The following MMP16 variants were observed in gnomAD, a reference collection of about 807,000 sequenced individuals.
MMP16 encodes matrix metalloproteinase-16.
MMP16 carries 12 observed loss-of-function variants against 67.8 expected under a neutral mutation model. That is an observed-to-expected ratio of 0.18 (90% CI 0.11 to 0.29). The LOEUF (loss-of-function observed/expected upper bound fraction) is 0.29. MMP16 is among the 10% of genes least tolerant of loss of function. The pLI, the probability that MMP16 is intolerant of heterozygous loss-of-function variation, is 1.00. For missense variants in MMP16, 475 were observed against 765.7 expected (o/e 0.62, Z 4.48); for synonymous variants, 249 against 255.9 (o/e 0.97, Z 0.26).
intron 8 of MMP16, among the ~76,000 whole-genome samples, chr8:88,052,012 T>C (rs1586124082): frequency 6.6e-6 from 1 of 152,226 alleles, no homozygotes; most frequent in African/African-American, 2.4e-5. Context: ...TACAGATTTA[T>C]TTAAAGAACC....
intron 4 of MMP16, among the ~76,000 whole-genome samples, chr8:88,120,296 G>T (rs1209577949): frequency 1.3e-5 from 2 of 151,912 alleles, no homozygotes; most frequent in African/African-American, 4.8e-5. Context: ...GTGCCTTAGG[G>T]GGCACTCACA....
At chr8:88,195,990 A>G (rs1219307306) in intron 2 of MMP16, among the ~76,000 whole-genome samples, 1 of 152,222 alleles carries the variant, frequency 6.6e-6, no homozygotes, top group Non-Finnish European at 1.5e-5. Context: ...TTGATATGTC[A>G]GAATTAATTA....
At chr8:88,253,845 A>T (rs956159152) in intron 1 of MMP16, among the ~76,000 whole-genome samples, 24 of 149,100 alleles carry the variant, frequency 1.6e-4, no homozygotes, top group African/African-American at 5.9e-4. Context: ...TTTTCTTCTA[A>T]TTTTTTTTTT....
intron 1 of MMP16, among the ~76,000 whole-genome samples, chr8:88,253,267 T>A (rs1810253593): frequency 6.6e-6 from 1 of 152,126 alleles, no homozygotes; most frequent in Non-Finnish European, 1.5e-5. Flanking sequence ...TACATAAGTA[T>A]TATCCTAGGG....
chr8:88,208,639 T>C (rs1430724008), intron 1 of MMP16, among the ~76,000 whole-genome samples: 1 of 151,570 alleles, frequency 6.6e-6, no homozygotes, highest in African/African-American at 2.4e-5. Flanking sequence ...AGAGAGAAAA[T>C]CATGAGAGTC....
At chr8:88,201,142 C>A (rs7836385) in intron 1 of MMP16, among the ~76,000 whole-genome samples, 104,976 of 111,848 alleles carry the variant, frequency 0.94, 49,142 homozygotes, top group Admixed American at 0.98. Flanking sequence ...CCTTTCCCCC[C>A]CCAAAAAAAA....
At chr8:88,212,357 T>C (rs1809525721) in intron 1 of MMP16, among the ~76,000 whole-genome samples, 1 of 152,120 alleles carries the variant, frequency 6.6e-6, no homozygotes, top group African/African-American at 2.4e-5. Context: ...CCTTACAGGG[T>C]TGTGGTGAGA....
intron 1 of MMP16, among the ~76,000 whole-genome samples, chr8:88,211,100 G>A (rs1809505205): frequency 1.3e-5 from 2 of 151,988 alleles, no homozygotes; most frequent in Admixed American, 6.6e-5. Flanking sequence ...CAACTTCCAG[G>A]AAGCCCAGAA....
intron 4 of MMP16, among the ~76,000 whole-genome samples, chr8:88,161,859 G>A (rs1808630071): frequency 2.0e-5 from 3 of 152,074 alleles, no homozygotes; most frequent in African/African-American, 7.2e-5. Flanking sequence ...AGGCAGTTGA[G>A]TGGTTCTGAG....
At chr8:88,072,949 G>A (rs187048384) in intron 7 of MMP16, among the ~76,000 whole-genome samples, 8 of 152,194 alleles carry the variant, frequency 5.3e-5, no homozygotes, top group African/African-American at 1.9e-4. Context: ...AGAGTGAGGA[G>A]CGGCAAAGCG....
intron 3 of MMP16, among the ~76,000 whole-genome samples, chr8:88,176,911 T>A (rs1808902301): frequency 6.6e-6 from 1 of 152,178 alleles, no homozygotes; most frequent in South Asian, 2.1e-4. Context: ...TTTGATTCAG[T>A]GTGTTAAATT....
chr8:88,167,945 C>T lies in MMP16; in HGVS notation c.433G>A (p.Asp145Asn). 6.2e-7 allele frequency: 1 copy of T among 1,611,862 alleles called. No homozygotes were observed. The highest frequency in any genetic ancestry group is 8.5e-7 in the Non-Finnish European group (1 of 1,178,954). The change falls in exon 4 of 10, where the codon GAC (aspartate) becomes AAC (asparagine). Residue 145 changes from aspartate to asparagine, a missense_variant. Physicochemically the swap from Asp to Asn is conservative, Grantham distance 23. This residue lies in a region of MMP16 where 170 missense variants were observed against 239.6 expected (regional missense o/e 0.71). Coordinates refer to ENST00000286614, the MANE Select transcript of MMP16 (RefSeq NM_005941.5). ...CGAATAGCTTTACGAGTCTCAGGGT[C>T]TCCTACTTTTGGAGTTACGTTCTTT... is the stretch of plus-strand genomic sequence containing the variant. ...SIKNVTPKVG[D>N]PETRKAIRRA...
At chr8:88,126,679 T>C (rs1476304843) in intron 4 of MMP16, among the ~76,000 whole-genome samples, 1 of 151,862 alleles carries the variant, frequency 6.6e-6, no homozygotes, top group Non-Finnish European at 1.5e-5. Flanking sequence ...ACGGAATCAT[T>C]ACTTTGCATA....
At chr8:88,128,410 T>G (rs759212231) in intron 4 of MMP16, among the ~76,000 whole-genome samples, 1 of 151,886 alleles carries the variant, frequency 6.6e-6, no homozygotes, top group Non-Finnish European at 1.5e-5. Flanking sequence ...TAGATGGCCC[T>G]AATTTTCCCT....
At chr8:88,212,608 C>T (rs1234146193) in intron 1 of MMP16, among the ~76,000 whole-genome samples, 2 of 152,130 alleles carry the variant, frequency 1.3e-5, no homozygotes, top group Non-Finnish European at 2.9e-5. Context: ...AAATGTCCCT[C>T]TGCTACAACA....
intron 1 of MMP16, among the ~76,000 whole-genome samples, chr8:88,317,825 G>A (rs906410221): frequency 3.3e-5 from 5 of 152,012 alleles, no homozygotes; most frequent in African/African-American, 7.2e-5. Context: ...CCATATTGGA[G>A]TTTCTATTCT....
chr8:88,188,579 A>G (rs764536654), intron 2 of MMP16, among the ~76,000 whole-genome samples: 2 of 152,186 alleles, frequency 1.3e-5, no homozygotes, highest in Non-Finnish European at 2.9e-5. Context: ...TGAAAAATGA[A>G]GGCAGTAATG....
intron 1 of MMP16, among the ~76,000 whole-genome samples, chr8:88,226,043 T>C (rs903350842): frequency 6.6e-6 from 1 of 151,938 alleles, no homozygotes; most frequent in African/African-American, 2.4e-5. Context: ...ACTAAGAATA[T>C]TTTCCTACTT....
At position 88,265,436 on chromosome 8, in the gene MMP16, T is replaced by G. The variant is rs145087726; in HGVS notation, c.132+61639A>C. ...TCAGTGGTGAAAAAAACACAGTCCT[T>G]AATCACAGGGAGTTCATAGTTTAAT... On this transcript the variant is annotated intron_variant, in intron 1 of 9. Transcript: ENST00000286614. 6.2e-3 allele frequency among the ~76,000 whole-genome samples: 948 copies of G among 152,160 alleles called. 5 individuals are homozygous for G. Among genetic ancestry groups the G allele is most frequent in the African/African-American group, 0.022 (900 of 41,532 alleles).
Sources: gnomAD v4.1 joint callset for allele counts (sites outside exome capture counted in the v4.1 genomes callset) on GRCh38, gnomAD v4.1.1 for gene constraint, gnomAD v4.1.1 regional missense constraint, MANE v1.5 for transcripts, NCBI Gene and HGNC (gene_info 2026-07-23, HGNC 2026-07-21) for gene names.